The following SPHKAP variants were observed in gnomAD, a reference collection of about 807,000 sequenced individuals.
SPHKAP encodes the protein SPHK1 interactor, AKAP domain containing.
In SPHKAP, 67 loss-of-function variants were observed where a neutral mutation model predicts 137.5. That is an observed-to-expected ratio of 0.49 (90% CI 0.40 to 0.60). SPHKAP has a LOEUF of 0.60. SPHKAP is among the 20% of genes least tolerant of loss of function. SPHKAP has a pLI of 0.00. For synonymous variants in SPHKAP, 813 were observed against 785.3 expected (o/e 1.04, Z -0.59); for missense variants, 2,097 against 2,069.3 (o/e 1.01, Z -0.26).
intron 3 of SPHKAP, among the ~76,000 whole-genome samples, chr2:228,062,060 T>A (rs996135870): frequency 2.6e-5 from 4 of 151,910 alleles, no homozygotes; most frequent in Non-Finnish European, 5.9e-5. Context: ...GATGATTTCA[T>A]ACAAAGAAAC....
rs201133126 is a variant in SPHKAP, at chr2:228,019,693, G to A, written c.1161C>T (p.Thr387=). 3.1e-6 allele frequency: 5 copies of A among 1,614,190 alleles called. No homozygotes were observed. Among genetic ancestry groups the A allele is most frequent in the Admixed American group, 1.7e-5 (1 of 60,024 alleles). ...CTAAATTTGTAGCATACTTGCCAGT[G>A]GTGACTTCTCCATCTTGTCTAGGAG... The part of the protein sequence containing the change: ...ALPPRQDGEV[T]TGKYATNLAE... The change falls in exon 7 of 12, where the codon ACC becomes ACT. Residue 387 remains threonine, a synonymous_variant. Coordinates refer to ENST00000392056, the MANE Select transcript of SPHKAP (RefSeq NM_001142644.2).
intron 1 of SPHKAP, among the ~76,000 whole-genome samples, chr2:228,162,813 C>T (rs1022695075): frequency 6.6e-6 from 1 of 152,180 alleles, no homozygotes; most frequent in Non-Finnish European, 1.5e-5. Context: ...ATTCTCCTGC[C>T]TCAGCCTCCC....
chr2:228,065,192 G>A (rs993690086), intron 3 of SPHKAP, among the ~76,000 whole-genome samples: 1 of 152,152 alleles, frequency 6.6e-6, no homozygotes, highest in African/African-American at 2.4e-5. Flanking sequence ...TAAGTCTCAG[G>A]CTACTGTGTG....
chr2:228,161,712 T>C (rs10176864), intron 1 of SPHKAP, among the ~76,000 whole-genome samples: 97 of 45,076 alleles, frequency 2.2e-3, no homozygotes, highest in Admixed American at 3.8e-3. Context: ...TAGAACAAAA[T>C]AAAATAAAAT....
intron 7 of SPHKAP, among the ~76,000 whole-genome samples, chr2:228,011,408 C>T (rs902914497): frequency 6.6e-6 from 1 of 152,168 alleles, no homozygotes; most frequent in Non-Finnish European, 1.5e-5. Flanking sequence ...AATTTTTAGG[C>T]TACAGAGACT....
rs1037616169 is a variant in SPHKAP, at chr2:228,014,782, G to A, written c.4448+1624C>T. Among the ~76,000 whole-genome samples the A allele has an allele frequency of 5.3e-5, 8 of 152,160 alleles. 1 individual carries two copies. The highest frequency in any genetic ancestry group is 4.4e-5 in the Non-Finnish European group (3 of 68,032). On this transcript the variant is annotated intron_variant, in intron 7 of 11. Transcript: ENST00000392056. ...AAGCTGCTGAAATTTGATGAAGGCTGTGTTCAACTTGTTGGCTGCCACTCT... is the reference window on the plus strand; with the variant it reads ...AAGCTGCTGAAATTTGATGAAGGCTATGTTCAACTTGTTGGCTGCCACTCT...
At chr2:228,043,395 C>T (rs949368127) in intron 3 of SPHKAP, among the ~76,000 whole-genome samples, 4 of 152,196 alleles carry the variant, frequency 2.6e-5, no homozygotes, top group East Asian at 1.9e-4. Context: ...GGCACGATCT[C>T]GGCTTACTGC....
At chr2:228,045,911 G>A (rs2106265354) in intron 3 of SPHKAP, among the ~76,000 whole-genome samples, 1 of 152,168 alleles carries the variant, frequency 6.6e-6, no homozygotes, top group Middle Eastern at 3.4e-3. Flanking sequence ...ATGGGGCTGG[G>A]GGATGAGAAA....
At chr2:228,093,701 T>C (rs1409391589) in intron 3 of SPHKAP, among the ~76,000 whole-genome samples, 4 of 143,804 alleles carry the variant, frequency 2.8e-5, no homozygotes, top group East Asian at 2.0e-4. Flanking sequence ...CTACTAAAAA[T>C]GGAAAAATTA....
chr2:228,031,695 C>T (rs1360092236), intron 3 of SPHKAP, among the ~76,000 whole-genome samples: 1 of 152,208 alleles, frequency 6.6e-6, no homozygotes, highest in Non-Finnish European at 1.5e-5. Flanking sequence ...CAGGCAGCAG[C>T]ATTTGCAGTT....
chr2:228,018,075 T>C lies in SPHKAP; in HGVS notation c.2779A>G (p.Thr927Ala). 1 of 1,614,180 alleles carries C rather than the reference T, an allele frequency of 6.2e-7. No homozygotes were observed. Among genetic ancestry groups the C allele is most frequent in the Non-Finnish European group, 8.5e-7 (1 of 1,180,016 alleles). The change falls in exon 7 of 12, where the codon ACA (threonine) becomes GCA (alanine). Residue 927 changes from threonine (T) to alanine (A), a missense_variant. By Grantham distance (58) the Thr-to-Ala change is moderately conservative. Transcript: ENST00000392056. The part of the protein sequence containing the change: ...QTKHPDIYCI[T>A]DFAEELADTV... ...TCTGCTAATTCTTCCGCAAAGTCTG[T>C]AATGCAGTAGATGTCTGGATGCTTT...
chr2:228,040,050 G>A (rs1417436641), intron 3 of SPHKAP, among the ~76,000 whole-genome samples: 3 of 152,084 alleles, frequency 2.0e-5, no homozygotes, highest in African/African-American at 7.2e-5. Flanking sequence ...TTTTCCTAAA[G>A]TTAGCTAACA....
intron 3 of SPHKAP, among the ~76,000 whole-genome samples, chr2:228,106,494 G>A (rs974176177): frequency 6.6e-6 from 1 of 152,144 alleles, no homozygotes; most frequent in Admixed American, 6.5e-5. Context: ...AGTTTGGGAT[G>A]ATTTTATAAA....
chr2:228,062,267 G>C (rs1207184291), intron 3 of SPHKAP, among the ~76,000 whole-genome samples: 1 of 151,780 alleles, frequency 6.6e-6, no homozygotes, highest in Admixed American at 6.6e-5. Context: ...TGGGACTACA[G>C]GGGGGTGCCA....
chr2:228,093,278 C>G (rs1184461524), intron 3 of SPHKAP, among the ~76,000 whole-genome samples: 2 of 152,162 alleles, frequency 1.3e-5, no homozygotes, highest in African/African-American at 4.8e-5. Context: ...AATTCTACTT[C>G]TTGGTTTATA....
At position 228,016,812 on chromosome 2, in the gene SPHKAP, C is replaced by A; in HGVS notation, c.4042G>T (p.Ala1348Ser). ...ATCCTGCTCGCAGCTAATCTATTTG[C>A]ACACTTCTCTGCTTGCGAGGGAGAG... ...GGSPSQAEKC[A>S]NRLAASRMCS... The change falls in exon 7 of 12, where the codon GCA (alanine) becomes TCA (serine). Residue 1348 changes from alanine to serine, a missense_variant. By Grantham distance (99) the Ala-to-Ser change is moderately conservative (BLOSUM62 1). Coordinates refer to ENST00000392056, the MANE Select transcript of SPHKAP (RefSeq NM_001142644.2). 2 of 1,614,026 alleles carry A rather than the reference C, an allele frequency of 1.2e-6. No homozygotes were observed. Among genetic ancestry groups the A allele is most frequent in the Non-Finnish European group, 8.5e-7 (1 of 1,179,984 alleles).
intron 11 of SPHKAP, among the ~76,000 whole-genome samples, chr2:227,987,616 G>A (rs1490152224): frequency 6.6e-6 from 1 of 152,164 alleles, no homozygotes; most frequent in Non-Finnish European, 1.5e-5. Flanking sequence ...TGTCACGAGA[G>A]GAGTATATTG....
chr2:228,122,378 C>T (rs1455986802), intron 2 of SPHKAP, among the ~76,000 whole-genome samples: 1 of 152,166 alleles, frequency 6.6e-6, no homozygotes, highest in East Asian at 1.9e-4. Flanking sequence ...AGGAACTGAG[C>T]TATAGAGAAC....
At position 228,018,436 on chromosome 2, in the gene SPHKAP, C is replaced by T; in HGVS notation, c.2418G>A (p.Lys806=). 1.9e-6 allele frequency: 3 copies of T among 1,613,962 alleles called. No homozygotes were observed. Among genetic ancestry groups the T allele is most frequent in the South Asian group, 2.2e-5 (2 of 91,034 alleles). Residue 806 remains lysine, a synonymous_variant, in exon 7 of 12, where the codon AAG becomes AAA. Coordinates refer to ENST00000392056, the MANE Select transcript of SPHKAP (RefSeq NM_001142644.2). The part of the protein sequence containing the change: ...DKGGVRPGLF[K]NPTLQSQLSR... ...ATAATTGTGACTGCAGCGTGGGGTTCTTGAAGAGGCCTGGCCTCACTCCAC... is the reference window on the plus strand; with the variant it reads ...ATAATTGTGACTGCAGCGTGGGGTTTTTGAAGAGGCCTGGCCTCACTCCAC...
Sources: gnomAD v4.1 joint callset for allele counts (sites outside exome capture counted in the v4.1 genomes callset) on GRCh38, gnomAD v4.1.1 for gene constraint, MANE v1.5 for transcripts, NCBI Gene and HGNC (gene_info 2026-07-23, HGNC 2026-07-21) for gene names.